Variants in AUTS2 observed in about 807,000 individuals in gnomAD.
AUTS2 encodes the protein autism susceptibility gene 2 protein.
In AUTS2, 17 loss-of-function variants were observed where a neutral mutation model predicts 112.4. The ratio of observed to expected loss-of-function variants is 0.15; its 90% confidence interval spans 0.10 to 0.23. The LOEUF (loss-of-function observed/expected upper bound fraction) is 0.23. Among genes scored for constraint, AUTS2 ranks in the 10% least tolerant of loss-of-function variants. The pLI is 1.00. For synonymous variants in AUTS2, 751 were observed against 702.7 expected, an observed-to-expected ratio of 1.07 and a Z score of -1.09; for missense variants, 1,510 against 1,701.6, an observed-to-expected ratio of 0.89 and a Z score of 1.98.
chr7:69,890,050 A>G (rs889518804), intron 1 of AUTS2, among the ~76,000 whole-genome samples: 2 of 151,762 alleles, frequency 1.3e-5, no homozygotes, highest in Non-Finnish European at 2.9e-5. Flanking sequence ...CCTTTTCGTC[A>G]TGCTGTATTT....
At chr7:70,609,311 T>G (rs1257181822) in intron 5 of AUTS2, among the ~76,000 whole-genome samples, 1 of 152,154 alleles carries the variant, frequency 6.6e-6, no homozygotes, top group East Asian at 1.9e-4. Flanking sequence ...TCATGTAGTA[T>G]TTATCTTTCT....
chr7:70,267,646 T>C (rs1463434912), intron 4 of AUTS2, among the ~76,000 whole-genome samples: 1 of 152,216 alleles, frequency 6.6e-6, no homozygotes, highest in African/African-American at 2.4e-5. Context: ...TGATCCTCTG[T>C]CATGCACTTT....
intron 2 of AUTS2, among the ~76,000 whole-genome samples, chr7:70,065,236 G>A (rs1429696336): frequency 1.3e-5 from 2 of 151,778 alleles, no homozygotes; most frequent in Non-Finnish European, 1.5e-5. Flanking sequence ...TTTTTTCTTT[G>A]CCTCCCTCCT....
At chr7:69,829,305 G>A (rs1305117464) in intron 1 of AUTS2, among the ~76,000 whole-genome samples, 3 of 152,070 alleles carry the variant, frequency 2.0e-5, no homozygotes, top group Non-Finnish European at 4.4e-5. Context: ...GAAAACCTAG[G>A]CAGTACCATT....
At chr7:70,531,318 A>C (rs2129498295) in intron 5 of AUTS2, among the ~76,000 whole-genome samples, 1 of 152,362 alleles carries the variant, frequency 6.6e-6, no homozygotes, top group Non-Finnish European at 1.5e-5. Flanking sequence ...GATTTATTAA[A>C]GAAACAAAAG....
intron 4 of AUTS2, among the ~76,000 whole-genome samples, chr7:70,211,779 G>A (rs907995848): frequency 3.3e-5 from 5 of 152,026 alleles, no homozygotes; most frequent in African/African-American, 1.2e-4. Context: ...GAGGTCAGGA[G>A]ATCGAGACCA....
intron 4 of AUTS2, among the ~76,000 whole-genome samples, chr7:70,198,382 C>T (rs1189502008): frequency 6.6e-6 from 1 of 151,924 alleles, no homozygotes; most frequent in African/African-American, 2.4e-5. Flanking sequence ...TTCAGACGAT[C>T]AAATTACTCT....
At chr7:70,568,149 C>T (rs568461177) in intron 5 of AUTS2, among the ~76,000 whole-genome samples, 18 of 152,292 alleles carry the variant, frequency 1.2e-4, no homozygotes, top group Admixed American at 7.8e-4. Flanking sequence ...GAATAAGTCA[C>T]TTTGGTCTTT....
chr7:70,710,332 C>T (rs1333261340), intron 6 of AUTS2, among the ~76,000 whole-genome samples: 1 of 152,116 alleles, frequency 6.6e-6, no homozygotes, highest in Non-Finnish European at 1.5e-5. Flanking sequence ...CTCATTTTAC[C>T]ACCACGAATT....
chr7:69,806,975 AT>A (rs151106097), intron 1 of AUTS2, among the ~76,000 whole-genome samples: 11,535 of 151,436 alleles, frequency 0.076, 594 homozygotes, highest in African/African-American at 0.14. Context: ...CTGAGTGTAA[AT>A]TTTTTTTTAG....
At chr7:70,538,870 A>G (rs893972703) in intron 5 of AUTS2, among the ~76,000 whole-genome samples, 24 of 152,224 alleles carry the variant, frequency 1.6e-4, no homozygotes, top group African/African-American at 5.8e-4. Flanking sequence ...TTCATCAAAC[A>G]TGGATTGAAC....
chr7:70,400,644 A>G (rs995677642), intron 4 of AUTS2, among the ~76,000 whole-genome samples: 1 of 152,044 alleles, frequency 6.6e-6, no homozygotes, highest in Non-Finnish European at 1.5e-5. Flanking sequence ...GGATTCTCTC[A>G]CCTCTCCCCT....
intron 2 of AUTS2, among the ~76,000 whole-genome samples, chr7:70,075,681 G>GA (rs1240331213): frequency 6.6e-6 from 1 of 152,110 alleles, no homozygotes; most frequent in Non-Finnish European, 1.5e-5. Context: ...CAAAAGGTCT[G>GA]AATACTTCTG....
At chr7:70,220,935 ATCC>A (rs1318475051) in intron 4 of AUTS2, among the ~76,000 whole-genome samples, 4 of 152,026 alleles carry the variant, frequency 2.6e-5, no homozygotes, top group Non-Finnish European at 5.9e-5. Flanking sequence ...TATCTATCCT[ATCC>A]TCTTTTGTTT....
intron 4 of AUTS2, among the ~76,000 whole-genome samples, chr7:70,423,474 T>G (rs898497472): frequency 2.0e-5 from 3 of 152,232 alleles, no homozygotes; most frequent in Non-Finnish European, 4.4e-5. Flanking sequence ...TTTTTCCAAC[T>G]TAACTTTGAA....
intron 2 of AUTS2, among the ~76,000 whole-genome samples, chr7:69,939,327 ACT>A (rs1400295914): frequency 1.3e-5 from 2 of 152,070 alleles, no homozygotes; most frequent in Non-Finnish European, 2.9e-5. Flanking sequence ...TAAATGTCAC[ACT>A]CTCTTTAGGC....
At chr7:70,650,750 T>C (rs1806458388) in intron 5 of AUTS2, among the ~76,000 whole-genome samples, 1 of 152,254 alleles carries the variant, frequency 6.6e-6, no homozygotes, top group South Asian at 2.1e-4. Context: ...GACCATTAAC[T>C]GTCAATTTTA....
intron 5 of AUTS2, among the ~76,000 whole-genome samples, chr7:70,667,357 G>A (rs1807402926): frequency 6.6e-6 from 1 of 152,082 alleles, no homozygotes; most frequent in East Asian, 1.9e-4. Flanking sequence ...AAAGAAACTG[G>A]GATTTATTAA....
At chr7:70,118,988 G>GC (rs1805538732) in intron 3 of AUTS2, 2 of 141,332 alleles carry the variant, frequency 1.4e-5, no homozygotes, top group African/African-American at 5.3e-5. Context: ...TCATATATCA[G>GC]CATTTTTTTT....
Sources: allele counts gnomAD v4.1 joint callset (sites outside exome capture counted in the v4.1 genomes callset), GRCh38; gene constraint gnomAD v4.1.1; transcripts MANE v1.5; gene names NCBI Gene and HGNC (gene_info 2026-07-23, HGNC 2026-07-21).